CTNNA3: variants seen among roughly 807,000 people sequenced by gnomAD.
CTNNA3 encodes the protein catenin alpha-3.
CTNNA3 carries 76 observed loss-of-function variants against 95.7 expected under a neutral mutation model. The ratio of observed to expected loss-of-function variants is 0.79; its 90% CI spans 0.66 to 0.96. CTNNA3 has a LOEUF of 0.96. CTNNA3 is among the 40% of genes least tolerant of loss of function. The pLI is 0.00. For synonymous variants in CTNNA3, 431 were observed against 374.4 expected (o/e 1.15, Z -1.74); for missense variants, 1,191 against 1,089.8 (o/e 1.09, Z -1.31).
At chr10:66,441,387 T>A (rs2093374533) in intron 11 of CTNNA3, among the ~76,000 whole-genome samples, 1 of 152,144 alleles carries the variant, frequency 6.6e-6, no homozygotes, top group South Asian at 2.1e-4. Context: ...TAAATAAAAA[T>A]TTCTCTGGAG....
chr10:67,121,224 A>T (rs1859448875), intron 7 of CTNNA3, among the ~76,000 whole-genome samples: 1 of 152,076 alleles, frequency 6.6e-6, no homozygotes, highest in African/African-American at 2.4e-5. Context: ...TGACCAATCG[A>T]TGGATGAAAT....
At chr10:66,336,977 A>G (rs2092404312) in intron 12 of CTNNA3, among the ~76,000 whole-genome samples, 1 of 152,264 alleles carries the variant, frequency 6.6e-6, no homozygotes, top group African/African-American at 2.4e-5. Flanking sequence ...GTGCAGTATA[A>G]CAGATTGACT....
chr10:67,120,656 A>T (rs1177744278), intron 7 of CTNNA3, among the ~76,000 whole-genome samples: 3 of 152,070 alleles, frequency 2.0e-5, no homozygotes, highest in African/African-American at 7.2e-5. Flanking sequence ...AAGGAGAGTT[A>T]CAAAAGAGAA....
chr10:66,303,133 A>C lies in CTNNA3; in HGVS notation c.1733-22512T>G, dbSNP rs1037679739. 7.9e-5 allele frequency among the ~76,000 whole-genome samples: 12 copies of C among 152,338 alleles called. No homozygotes were observed. In the East Asian group the frequency reaches 2.3e-3, roughly 29 times the overall value. On this transcript the variant is annotated intron_variant, in intron 12 of 17. Coordinates refer to ENST00000433211, the MANE Select transcript of CTNNA3 (RefSeq NM_013266.4). ...GTAAAATGTTACAAGCCTTATTTTA[A>C]AATAGGATAATAGCAACAAGGATAA...
At chr10:66,360,651 CT>C (rs776047899) in intron 12 of CTNNA3, among the ~76,000 whole-genome samples, 98 of 59,926 alleles carry the variant, frequency 1.6e-3, no homozygotes, top group African/African-American at 5.6e-3. Flanking sequence ...TTCTTTCTTT[CT>C]TTCTTTCTTC....
intron 9 of CTNNA3, among the ~76,000 whole-genome samples, chr10:66,631,094 G>A (rs1589042109): frequency 6.6e-6 from 1 of 152,190 alleles, no homozygotes; most frequent in African/African-American, 2.4e-5. Flanking sequence ...TATTACTTAG[G>A]AAATTCATAT....
chr10:66,884,160 G>A (rs954666503), intron 7 of CTNNA3, among the ~76,000 whole-genome samples: 1 of 152,068 alleles, frequency 6.6e-6, no homozygotes, highest in African/African-American at 2.4e-5. Context: ...CTATTCATGA[G>A]AGATCTGCCT....
intron 7 of CTNNA3, among the ~76,000 whole-genome samples, chr10:67,106,877 G>A (rs1240500304): frequency 6.6e-6 from 1 of 152,106 alleles, no homozygotes; most frequent in Admixed American, 6.5e-5. Flanking sequence ...AGAGATACAT[G>A]AGTATATGAC....
chr10:66,327,416 T>G (rs2092267683), intron 12 of CTNNA3, among the ~76,000 whole-genome samples: 1 of 152,070 alleles, frequency 6.6e-6, no homozygotes, highest in Non-Finnish European at 1.5e-5. Flanking sequence ...TTTTGGAACA[T>G]TTAAAATGAT....
At chr10:66,474,814 A>G (rs1198100335) in intron 11 of CTNNA3, among the ~76,000 whole-genome samples, 4 of 151,964 alleles carry the variant, frequency 2.6e-5, no homozygotes, top group Non-Finnish European at 4.4e-5. Flanking sequence ...ATTTTTTCAT[A>G]TACTTGTTAG....
chr10:66,100,931 A>G (rs1346780641), intron 14 of CTNNA3, among the ~76,000 whole-genome samples: 2 of 152,200 alleles, frequency 1.3e-5, no homozygotes, highest in African/African-American at 2.4e-5. Flanking sequence ...CCAAGTCTTC[A>G]TCGTCTACAA....
At chr10:67,604,727 G>A (rs1370355857) in intron 3 of CTNNA3, among the ~76,000 whole-genome samples, 2 of 152,106 alleles carry the variant, frequency 1.3e-5, no homozygotes, top group African/African-American at 2.4e-5. Context: ...AAAGTTCATT[G>A]AACTTAGACA....
chr10:65,995,650 T>C (rs149584620), intron 15 of CTNNA3, among the ~76,000 whole-genome samples: 72 of 152,326 alleles, frequency 4.7e-4, no homozygotes, highest in African/African-American at 1.7e-3. Flanking sequence ...GTTCTGGCAG[T>C]GGCAGTATTG....
At chr10:67,344,388 C>T (rs1271246639) in intron 5 of CTNNA3, among the ~76,000 whole-genome samples, 2 of 151,810 alleles carry the variant, frequency 1.3e-5, no homozygotes, top group Non-Finnish European at 2.9e-5. Flanking sequence ...TTTTTCCCTC[C>T]TCCTCTATTT....
chr10:67,285,698 T>G (rs1839569596), intron 5 of CTNNA3, among the ~76,000 whole-genome samples: 3 of 152,262 alleles, frequency 2.0e-5, no homozygotes, highest in African/African-American at 7.2e-5. Flanking sequence ...ATGTTTGTAC[T>G]GACTCAATTA....
chr10:67,535,757 G>T lies in CTNNA3; in HGVS notation c.459+3746C>A, dbSNP rs541383351. ...AAGGATTTACAGAGATGATTTGGGG[G>T]ACTTCTATTTCTTGTAATAGCAAAT... On this transcript the variant is annotated intron_variant, in intron 4 of 17. Transcript: ENST00000433211. Among the ~76,000 whole-genome samples, 20 of 152,186 alleles carry T rather than the reference G, an allele frequency of 1.3e-4. 1 individual carries two copies. In the South Asian group the frequency reaches 4.1e-3, roughly 32 times the overall value.
intron 9 of CTNNA3, among the ~76,000 whole-genome samples, chr10:66,748,301 C>CT (rs2132718972): frequency 6.6e-6 from 1 of 152,194 alleles, no homozygotes; most frequent in Admixed American, 6.5e-5. Flanking sequence ...TCAAGGTTAC[C>CT]TTTTTTAAAA....
At chr10:66,613,140 C>A (rs1351616386) in intron 10 of CTNNA3, among the ~76,000 whole-genome samples, 1 of 152,060 alleles carries the variant, frequency 6.6e-6, no homozygotes, top group African/African-American at 2.4e-5. Flanking sequence ...CTTGCCTTGG[C>A]CTGCATGTGA....
intron 7 of CTNNA3, among the ~76,000 whole-genome samples, chr10:67,087,966 G>T (rs1032066731): frequency 6.6e-5 from 10 of 151,924 alleles, no homozygotes; most frequent in African/African-American, 2.2e-4. Context: ...GCTCAAAAAG[G>T]TTATGGTCTA....
Sources: allele counts gnomAD v4.1 joint callset (sites outside exome capture counted in the v4.1 genomes callset), GRCh38; gene constraint gnomAD v4.1.1; transcripts MANE v1.5; gene names NCBI Gene and HGNC (gene_info 2026-07-23, HGNC 2026-07-21).